The following NRG2 variants were observed in gnomAD, a reference collection of about 807,000 sequenced individuals.
NRG2 encodes the protein pro-neuregulin-2, membrane-bound isoform.
NRG2 carries 27 observed loss-of-function variants against 73.9 expected under a neutral mutation model. The ratio of observed to expected loss-of-function variants is 0.37; its 90% CI spans 0.27 to 0.50. The LOEUF (loss-of-function observed/expected upper bound fraction) is 0.50, where lower values mean the gene tolerates loss of function less well. Among genes scored for constraint, NRG2 ranks in the 20% least tolerant of loss-of-function variants. NRG2 has a pLI of 0.96. For missense variants in NRG2, 1,126 were observed against 1,210.1 expected (o/e 0.93, Z 1.03); for synonymous variants, 532 against 541.0 (o/e 0.98, Z 0.23).
intron 5 of NRG2, chr5:139,861,762 A>G (rs886958892): frequency 1.5e-5 from 8 of 516,672 alleles, no homozygotes; most frequent in African/African-American, 1.5e-4. Context: ...ACAATTCTCA[A>G]AGAACCCTGG....
At chr5:140,031,552 G>A (rs2126692043) in intron 1 of NRG2, among the ~76,000 whole-genome samples, 1 of 152,194 alleles carries the variant, frequency 6.6e-6, no homozygotes, top group South Asian at 2.1e-4. Flanking sequence ...AGTTGCCCTG[G>A]ATGCAGCCTT....
chr5:139,861,328 G>A (rs1762131951), intron 5 of NRG2, among the ~76,000 whole-genome samples: 2 of 152,192 alleles, frequency 1.3e-5, no homozygotes, highest in South Asian at 4.1e-4. Context: ...AGGAAGGCGA[G>A]CACGTGGCAA....
intron 1 of NRG2, among the ~76,000 whole-genome samples, chr5:140,035,118 C>T (rs1247720639): frequency 6.6e-6 from 1 of 152,122 alleles, no homozygotes; most frequent in African/African-American, 2.4e-5. Flanking sequence ...TTTCATTCCC[C>T]TTTCATTTTG....
rs771670896 is a variant in NRG2 at position 139,904,446 on chromosome 5, C to T, written c.701-16935G>A. 1.7e-5 allele frequency: 20 copies of T among 1,161,460 alleles called. No individual in the cohort carries two copies. The highest frequency in any genetic ancestry group is 2.5e-5 in the Non-Finnish European group (20 of 815,342). The allele number at this position is 1,161,460 out of a possible 1,614,324, so 71.9% of individuals were successfully genotyped here. On this transcript the variant is annotated intron_variant, in intron 1 of 9. Transcript: ENST00000361474. The surrounding 1 kb of genome is among the most constrained non-coding windows in gnomAD (Gnocchi z 6.0). ...GGACGGCCTCAGCTCTCCGCTGCCGCGCTGCGCCCCCGCCGCCTGCAGCCT... is the reference window on the plus strand; with the variant it reads ...GGACGGCCTCAGCTCTCCGCTGCCGTGCTGCGCCCCCGCCGCCTGCAGCCT...
intron 1 of NRG2, among the ~76,000 whole-genome samples, chr5:139,988,807 T>C (rs1313041176): frequency 2.0e-5 from 3 of 151,732 alleles, no homozygotes; most frequent in Admixed American, 6.6e-5. Context: ...GATGTGTCAA[T>C]GTAGGTTTAT....
intron 9 of NRG2, among the ~76,000 whole-genome samples, chr5:139,849,653 A>G (rs1443074105): frequency 6.6e-6 from 1 of 152,108 alleles, no homozygotes; most frequent in Admixed American, 6.5e-5. Flanking sequence ...ACAGCTGGGC[A>G]TCTCACTGCT....
At chr5:140,036,218 C>T (rs184726902) in intron 1 of NRG2, among the ~76,000 whole-genome samples, 125 of 152,272 alleles carry the variant, frequency 8.2e-4, no homozygotes, top group Non-Finnish European at 1.5e-3. Flanking sequence ...CCCAACTAGC[C>T]AGAGAAGGAA....
rs1313604126 is a variant in NRG2 at position 140,008,794 on chromosome 5, A to T, written c.700+33576T>A. Among the ~76,000 whole-genome samples, 1 of 152,190 alleles carries T rather than the reference A, an allele frequency of 6.6e-6. No homozygotes were observed. The highest frequency in any genetic ancestry group is 1.5e-5 in the Non-Finnish European group (1 of 68,036). On this transcript the variant is annotated intron_variant, in intron 1 of 9. Transcript: ENST00000361474. The surrounding 1 kb of genome is among the most constrained non-coding windows in gnomAD (Gnocchi z 4.2). ...AATGCATGAAACAAGGAGGTATAGT[A>T]CTATGGTTAGGATATAGGCTCAGAA...
intron 1 of NRG2, among the ~76,000 whole-genome samples, chr5:140,023,621 G>T (rs1038557527): frequency 2.6e-5 from 4 of 152,136 alleles, no homozygotes; most frequent in African/African-American, 4.8e-5. Context: ...ATCCTTCAAA[G>T]AAAATAACCA....
At chr5:139,919,944 A>G (rs976175271) in intron 1 of NRG2, among the ~76,000 whole-genome samples, 3 of 152,224 alleles carry the variant, frequency 2.0e-5, no homozygotes, top group Non-Finnish European at 4.4e-5. Flanking sequence ...TTGGCATCCC[A>G]TAAGTTTTGT....
intron 1 of NRG2, among the ~76,000 whole-genome samples, chr5:140,022,004 C>A (rs1561758894): frequency 6.6e-6 from 1 of 152,088 alleles, no homozygotes; most frequent in Non-Finnish European, 1.5e-5. Flanking sequence ...CAGTCCAATC[C>A]TCTCACTTAG....
At chr5:139,895,299 G>A (rs757475686) in intron 1 of NRG2, among the ~76,000 whole-genome samples, 13 of 152,254 alleles carry the variant, frequency 8.5e-5, no homozygotes, top group Non-Finnish European at 1.5e-4. Context: ...GGTCCACGCC[G>A]CAGTGCTCCA....
intron 1 of NRG2, among the ~76,000 whole-genome samples, chr5:139,941,270 A>C (rs1753380777): frequency 6.6e-6 from 1 of 152,210 alleles, no homozygotes; most frequent in Non-Finnish European, 1.5e-5. Context: ...GTATTTGCAC[A>C]AGACAAACAC....
intron 1 of NRG2, among the ~76,000 whole-genome samples, chr5:140,035,418 T>G (rs1015910862): frequency 2.6e-5 from 4 of 152,256 alleles, no homozygotes; most frequent in African/African-American, 9.6e-5. Context: ...GTTATATGAT[T>G]GTAAGCTCAT....
In NRG2 at chr5:139,854,584, A is replaced by G. The variant is rs574057080; in HGVS notation, c.1292+1092T>C. Among the ~76,000 whole-genome samples, 4 of 151,936 alleles carry G rather than the reference A, an allele frequency of 2.6e-5. No individual in the cohort carries two copies. The East Asian group carries it at 7.8e-4, about 30-fold the overall frequency. ...TCTCCTCTGGGCTCACTGGGCCCCAACTCCCTCCTGACTCTCCTCCAGACT... is the reference window on the plus strand; with the variant it reads ...TCTCCTCTGGGCTCACTGGGCCCCAGCTCCCTCCTGACTCTCCTCCAGACT... On this transcript the variant is annotated intron_variant, in intron 6 of 9. Coordinates refer to ENST00000361474, the MANE Select transcript of NRG2 (RefSeq NM_004883.3).
chr5:139,919,993 G>T (rs936824861), intron 1 of NRG2, among the ~76,000 whole-genome samples: 9 of 152,150 alleles, frequency 5.9e-5, no homozygotes, highest in African/African-American at 2.2e-4. Context: ...AAAATGAATG[G>T]TCCAGAAAAT....
At chr5:139,958,194 A>G (rs1294361779) in intron 1 of NRG2, among the ~76,000 whole-genome samples, 1 of 152,148 alleles carries the variant, frequency 6.6e-6, no homozygotes, top group Non-Finnish European at 1.5e-5. Context: ...CCACTAGCGT[A>G]GGAAAGAAAA....
intron 1 of NRG2, among the ~76,000 whole-genome samples, chr5:140,036,598 C>G (rs1466244518): frequency 6.6e-6 from 1 of 152,180 alleles, no homozygotes; most frequent in South Asian, 2.1e-4. Context: ...TTGCCTGTAT[C>G]ATCTCTTGAA....
At chr5:139,980,435 T>C (rs144547345) in intron 1 of NRG2, among the ~76,000 whole-genome samples, 144 of 151,702 alleles carry the variant, frequency 9.5e-4, no homozygotes, top group Middle Eastern at 3.4e-3. Flanking sequence ...GAAGTCAGAG[T>C]CCAAGCCTTA....
Sources: allele counts gnomAD v4.1 joint callset (sites outside exome capture counted in the v4.1 genomes callset), GRCh38; gene constraint gnomAD v4.1.1; non-coding constraint Gnocchi (gnomAD v3.1); transcripts MANE v1.5; gene names NCBI Gene and HGNC (gene_info 2026-07-23, HGNC 2026-07-21).